The following TRAPPC9 variants were observed in gnomAD, a reference collection of about 807,000 sequenced individuals.
TRAPPC9 encodes trafficking protein particle complex subunit 9.
In TRAPPC9, 83 loss-of-function variants were observed where a neutral mutation model predicts 124.0. The ratio of observed to expected loss-of-function variants is 0.67; its 90% CI spans 0.56 to 0.80. TRAPPC9 has a LOEUF of 0.80. Ranked by LOEUF, TRAPPC9 falls within the 30% of genes least tolerant of loss-of-function variation. The pLI is 0.00. For missense variants in TRAPPC9, 1,302 were observed against 1,508.3 expected, an observed-to-expected ratio of 0.86 and a Z score of 2.27; for synonymous variants, 638 against 617.5, an observed-to-expected ratio of 1.03 and a Z score of -0.49.
intron 7 of TRAPPC9, among the ~76,000 whole-genome samples, chr8:140,377,850 C>T (rs1254394486): frequency 6.6e-6 from 1 of 152,062 alleles, no homozygotes; most frequent in Non-Finnish European, 1.5e-5. Context: ...ATCCCAGCTA[C>T]TTGGGAAGCT....
At chr8:139,832,835 G>A (rs1826079256) in intron 21 of TRAPPC9, among the ~76,000 whole-genome samples, 1 of 152,158 alleles carries the variant, frequency 6.6e-6, no homozygotes, top group African/African-American at 2.4e-5. Flanking sequence ...TCCTCCCCAT[G>A]AGGGTGTGGG....
chr8:140,098,544 T>TCCACAGTATAATGACGCCCGCCC (rs1168130851), intron 17 of TRAPPC9: 4 of 150,884 alleles, frequency 2.7e-5, no homozygotes, highest in African/African-American at 9.8e-5. Flanking sequence ...AGCACCACCT[T>TCCACAGTATAATGACGCCCGCCC]CCACAGTATA....
chr8:139,955,256 G>A (rs545533214), intron 19 of TRAPPC9, among the ~76,000 whole-genome samples: 5 of 152,154 alleles, frequency 3.3e-5, no homozygotes, highest in Admixed American at 3.3e-4. Flanking sequence ...GGGCCAGAAG[G>A]GATCCTGTAG....
rs1452752667 is a variant in TRAPPC9 at position 140,397,634 on chromosome 8, T to C, written c.1120A>G (p.Ile374Val). The C allele has an allele frequency of 1.2e-6, 2 of 1,614,156 alleles. No individual in the cohort carries two copies. Among genetic ancestry groups the C allele is most frequent in the East Asian group, 2.2e-5 (1 of 44,882 alleles). Residue 374 changes from isoleucine to valine, a missense_variant, in exon 7 of 23, where the codon ATT becomes GTT. Coordinates refer to ENST00000438773, the MANE Select transcript of TRAPPC9 (RefSeq NM_001160372.4). ...CATACACTCACCTGTCGAAGGTTAA[T>C]GTAAACTGCATTCTGAAGAAATTCT... ...ASEFLQNAVY[I>V]NLRQLSEEEK...
chr8:140,161,432 T>A (rs372275225), intron 17 of TRAPPC9, among the ~76,000 whole-genome samples: 1 of 152,218 alleles, frequency 6.6e-6, no homozygotes, highest in East Asian at 1.9e-4. Flanking sequence ...TTTTCGCATT[T>A]TGGAATATCT....
intron 14 of TRAPPC9, among the ~76,000 whole-genome samples, chr8:140,279,315 G>A (rs531875139): frequency 6.6e-5 from 10 of 152,248 alleles, no homozygotes; most frequent in South Asian, 2.1e-4. Context: ...TTAATTGCTA[G>A]TCCTACAGCA....
At chr8:140,428,997 C>A (rs2070529772) in intron 4 of TRAPPC9, among the ~76,000 whole-genome samples, 1 of 152,136 alleles carries the variant, frequency 6.6e-6, no homozygotes, top group South Asian at 2.1e-4. Context: ...TGTAGATATG[C>A]TGATACCTCT....
intron 21 of TRAPPC9, among the ~76,000 whole-genome samples, chr8:139,827,777 G>A (rs1825736847): frequency 1.3e-5 from 2 of 152,218 alleles, no homozygotes; most frequent in South Asian, 4.1e-4. Flanking sequence ...ACAAAGGAAA[G>A]AGGCTTCATC....
intron 16 of TRAPPC9, among the ~76,000 whole-genome samples, chr8:140,249,194 C>T (rs745511949): frequency 1.1e-4 from 16 of 152,144 alleles, no homozygotes; most frequent in Non-Finnish European, 1.9e-4. Context: ...CCTGCCTTCT[C>T]GAGTAGCCCC....
chr8:140,235,866 T>A (rs1469419143), intron 16 of TRAPPC9, among the ~76,000 whole-genome samples: 1 of 152,040 alleles, frequency 6.6e-6, no homozygotes, highest in Non-Finnish European at 1.5e-5. Context: ...GTATAATGAA[T>A]AAACTGTAGT....
chr8:139,900,179 C>G (rs1830932932), intron 20 of TRAPPC9, among the ~76,000 whole-genome samples: 1 of 152,224 alleles, frequency 6.6e-6, no homozygotes, highest in Non-Finnish European at 1.5e-5. Context: ...TGCCGCTTCC[C>G]CTTTTAGACC....
chr8:140,387,943 T>C (rs1405244244), intron 7 of TRAPPC9, among the ~76,000 whole-genome samples: 3 of 152,078 alleles, frequency 2.0e-5, no homozygotes, highest in Non-Finnish European at 4.4e-5. Context: ...ATTGCAGCAC[T>C]ATTCACAACA....
intron 17 of TRAPPC9, among the ~76,000 whole-genome samples, chr8:140,132,780 A>G (rs1208623496): frequency 7.8e-6 from 1 of 127,746 alleles, no homozygotes; most frequent in Non-Finnish European, 1.6e-5. Flanking sequence ...ACCTTCCAAG[A>G]GGAGGCCAAG....
At chr8:139,999,315 G>A (rs999410369) in intron 18 of TRAPPC9, among the ~76,000 whole-genome samples, 1 of 152,170 alleles carries the variant, frequency 6.6e-6, no homozygotes, top group African/African-American at 2.4e-5. Flanking sequence ...ATACTGGGCT[G>A]TTATATTAAC....
In TRAPPC9 at chr8:140,104,506, G is replaced by C. The variant is rs2060630823; in HGVS notation, c.2557-80427C>G. ...TAGACAAATAATATGCAAGTAGTAT[G>C]ATGGCACGATGGGGGGAGCTGTGAA... is the stretch of plus-strand genomic sequence containing the variant. On this transcript the variant is annotated intron_variant, in intron 17 of 22. Transcript: ENST00000438773. This position sits in a 1 kb window ranked among gnomAD's most constrained non-coding sequence, Gnocchi z 4.0. 6.6e-6 allele frequency among the ~76,000 whole-genome samples: 1 copy of C among 152,304 alleles called. No homozygotes were observed. Among genetic ancestry groups the C allele is most frequent in the East Asian group, 1.9e-4 (1 of 5,172 alleles).
chr8:140,457,770 C>A, upstream of TRAPPC9: 1 of 1,003,304 alleles, frequency 1.0e-6, no homozygotes, highest in South Asian at 4.2e-5. Context: ...GCTGCTCCTG[C>A]GCGTGCGCGG....
At chr8:140,310,400 T>G (rs1021611685) in intron 10 of TRAPPC9, among the ~76,000 whole-genome samples, 6 of 152,188 alleles carry the variant, frequency 3.9e-5, no homozygotes, top group Non-Finnish European at 8.8e-5. Context: ...GTGACAGCAC[T>G]TCCACTCGAC....
chr8:140,213,924 C>T (rs1300536653), intron 17 of TRAPPC9, among the ~76,000 whole-genome samples: 1 of 152,230 alleles, frequency 6.6e-6, no homozygotes, highest in African/African-American at 2.4e-5. Flanking sequence ...TGGCTGCAGC[C>T]GTGCATGCTG....
At chr8:139,843,929 C>T (rs891408495) in intron 21 of TRAPPC9, among the ~76,000 whole-genome samples, 3 of 152,264 alleles carry the variant, frequency 2.0e-5, no homozygotes, top group Non-Finnish European at 2.9e-5. Flanking sequence ...TGATGAGCTG[C>T]GGACTCCAGC....
Sources: gnomAD v4.1 joint callset for allele counts (sites outside exome capture counted in the v4.1 genomes callset) on GRCh38, gnomAD v4.1.1 for gene constraint, Gnocchi (gnomAD v3.1) non-coding constraint, MANE v1.5 for transcripts, NCBI Gene and HGNC (gene_info 2026-07-23, HGNC 2026-07-21) for gene names.